Variants in RORA observed in about 807,000 individuals in gnomAD.
The protein encoded by RORA is nuclear receptor ROR-alpha.
A neutral mutation model predicts 69.5 loss-of-function variants in RORA; 7 were observed. The observed-to-expected ratio is 0.10, with a 90% CI of 0.06 to 0.19. The LOEUF is 0.19. Among genes scored for constraint, RORA ranks in the 10% least tolerant of loss-of-function variants. The pLI is 1.00. For missense variants in RORA, 457 were observed against 663.0 expected, an observed-to-expected ratio of 0.69 and a Z score of 3.41; for synonymous variants, 261 against 240.8, an observed-to-expected ratio of 1.08 and a Z score of -0.78.
At chr15:60,842,984 G>A (rs1219414729) in intron 1 of RORA, among the ~76,000 whole-genome samples, 1 of 152,122 alleles carries the variant, frequency 6.6e-6, no homozygotes, top group Non-Finnish European at 1.5e-5. Context: ...GCATCCTGCA[G>A]CAGCCTCTTT....
chr15:60,630,010 A>C (rs2069697910), intron 2 of RORA, among the ~76,000 whole-genome samples: 12 of 152,364 alleles, frequency 7.9e-5, no homozygotes. Flanking sequence ...CTTCTGAATG[A>C]CAAAGATAAA....
intron 3 of RORA, among the ~76,000 whole-genome samples, chr15:60,517,824 T>G (rs1024135029): frequency 2.0e-5 from 3 of 152,234 alleles, no homozygotes; most frequent in African/African-American, 4.8e-5. Flanking sequence ...TGCTACAGTT[T>G]CTTGTGTGAT....
intron 1 of RORA, among the ~76,000 whole-genome samples, chr15:61,146,801 T>C (rs1439051786): frequency 6.6e-6 from 1 of 152,194 alleles, no homozygotes; most frequent in Non-Finnish European, 1.5e-5. Flanking sequence ...CTGTTATACA[T>C]TTATTCAAAT....
intron 1 of RORA, among the ~76,000 whole-genome samples, chr15:60,873,705 A>G (rs962926884): frequency 2.0e-5 from 3 of 152,218 alleles, no homozygotes; most frequent in Admixed American, 1.3e-4. Flanking sequence ...TCTGGAACAT[A>G]AAGTAGCTTC....
chr15:60,768,454 T>C (rs1245219870), intron 1 of RORA, among the ~76,000 whole-genome samples: 6 of 152,218 alleles, frequency 3.9e-5, no homozygotes, highest in Non-Finnish European at 7.3e-5. Flanking sequence ...AATGTCTCTT[T>C]CTCATGTGGG....
chr15:61,049,372 A>C (rs147268578), intron 1 of RORA, among the ~76,000 whole-genome samples: 1 of 152,320 alleles, frequency 6.6e-6, no homozygotes, highest in South Asian at 2.1e-4. Context: ...TGAGGTGCCA[A>C]ATTCTTTCGG....
At chr15:60,988,039 G>A (rs1029284935) in intron 1 of RORA, among the ~76,000 whole-genome samples, 3 of 152,190 alleles carry the variant, frequency 2.0e-5, no homozygotes, top group Non-Finnish European at 2.9e-5. Context: ...CTGCCAAGAT[G>A]TTCTTACTCA....
At chr15:61,165,078 T>C (rs569611691) in intron 1 of RORA, among the ~76,000 whole-genome samples, 153 of 152,278 alleles carry the variant, frequency 1.0e-3, no homozygotes, top group African/African-American at 3.2e-3. Context: ...TAGGTTCCCC[T>C]AGCAAACCCC....
At chr15:60,855,364 C>A (rs7169557) in intron 1 of RORA, among the ~76,000 whole-genome samples, 16 of 152,086 alleles carry the variant, frequency 1.1e-4, no homozygotes, top group African/African-American at 3.9e-4. Context: ...TTCTGACTCA[C>A]TCCCCAGGTG....
intron 1 of RORA, among the ~76,000 whole-genome samples, chr15:60,823,486 C>T (rs1160681640): frequency 6.6e-6 from 1 of 152,198 alleles, no homozygotes; most frequent in Non-Finnish European, 1.5e-5. Context: ...TGGATAGAGG[C>T]CACACATGTT....
rs2066625043 is a variant in RORA, at chr15:60,534,671, T to C, written c.197-2820A>G. On this transcript the variant is annotated intron_variant, in intron 2 of 10. Coordinates refer to ENST00000335670, the MANE Select transcript of RORA (RefSeq NM_134261.3). The surrounding 1 kb of genome is among the most constrained non-coding windows in gnomAD (Gnocchi z 5.0). ...TAAACTATTCTCCTAGGCTTCCTCC[T>C]GCTTGGTTCTCTTATCTCAGATGAC... Among the ~76,000 whole-genome samples the C allele has an allele frequency of 6.6e-6, 1 of 152,142 alleles. No homozygotes were observed. The highest frequency in any genetic ancestry group is 2.4e-5 in the African/African-American group (1 of 41,418).
chr15:60,680,466 T>C (rs2070626231), intron 1 of RORA, among the ~76,000 whole-genome samples: 1 of 152,116 alleles, frequency 6.6e-6, no homozygotes, highest in South Asian at 2.1e-4. Flanking sequence ...GACGATTACA[T>C]TGATAATAGA....
chr15:61,079,908 A>T (rs2078513900), intron 1 of RORA, among the ~76,000 whole-genome samples: 4 of 152,182 alleles, frequency 2.6e-5, no homozygotes, highest in Admixed American at 2.6e-4. Context: ...CAAGTTACTT[A>T]AGCTCTTAAG....
chr15:60,786,742 C>T (rs762916320), intron 1 of RORA, among the ~76,000 whole-genome samples: 16 of 152,230 alleles, frequency 1.1e-4, no homozygotes, highest in East Asian at 1.9e-4. Context: ...GGTCCTTGGG[C>T]CCTGTCTTGC....
chr15:60,520,561 G>T (rs912798510), intron 3 of RORA, among the ~76,000 whole-genome samples: 7 of 152,150 alleles, frequency 4.6e-5, no homozygotes, highest in African/African-American at 1.7e-4. Context: ...TAGAAGTAGT[G>T]TGTTTCTAAG....
intron 1 of RORA, among the ~76,000 whole-genome samples, chr15:60,779,263 G>A (rs2072219372): frequency 6.6e-6 from 1 of 152,122 alleles, no homozygotes; most frequent in African/African-American, 2.4e-5. Context: ...TGATCCGAGT[G>A]GCCTCTCCCA....
chr15:60,860,578 C>G lies in RORA; in HGVS notation c.167-181892G>C, dbSNP rs184779063. ...GCAAAGCCTATATAAAACATCAACC[C>G]ACGGTCATGGCCCAATGAGATATAG... On this transcript the variant is annotated intron_variant, in intron 1 of 10. Transcript: ENST00000335670. Among the ~76,000 whole-genome samples the G allele has an allele frequency of 5.3e-4, 80 of 152,258 alleles. No homozygotes were observed. The East Asian group carries it at 0.011, about 20-fold the overall frequency.
chr15:60,734,530 G>A lies in RORA; in HGVS notation c.167-55844C>T, dbSNP rs146406742. Among the ~76,000 whole-genome samples, 4 of 152,290 alleles carry A rather than the reference G, an allele frequency of 2.6e-5. No homozygotes were observed. The East Asian group carries it at 5.8e-4, about 22-fold the overall frequency. ...TCTGAACACTGCAAAGACAAGACAC[G>A]TTTTTGAGTCTGTGGAGCTGAAAGT... is the stretch of plus-strand genomic sequence containing the variant. On this transcript the variant is annotated intron_variant, in intron 1 of 10. Transcript: ENST00000335670.
chr15:60,785,017 G>A (rs1470006897), intron 1 of RORA, among the ~76,000 whole-genome samples: 1 of 152,208 alleles, frequency 6.6e-6, no homozygotes, highest in Non-Finnish European at 1.5e-5. Flanking sequence ...GGATGTGGAA[G>A]TCCAGAGGCA....
Sources: gnomAD v4.1 joint callset for allele counts (sites outside exome capture counted in the v4.1 genomes callset) on GRCh38, gnomAD v4.1.1 for gene constraint, Gnocchi (gnomAD v3.1) non-coding constraint, MANE v1.5 for transcripts, NCBI Gene and HGNC (gene_info 2026-07-23, HGNC 2026-07-21) for gene names.